DUSP12: variants seen among roughly 807,000 people sequenced by gnomAD.
DUSP12 encodes dual specificity phosphatase 12, also known as dual specificity protein phosphatase 12.
A neutral mutation model predicts 38.9 loss-of-function variants in DUSP12; 25 were observed. The ratio of observed to expected loss-of-function variants is 0.64; its 90% CI spans 0.47 to 0.90. DUSP12 has a LOEUF of 0.90. Among genes scored for constraint, DUSP12 ranks in the 40% least tolerant of loss-of-function variants. The pLI, the probability that DUSP12 is intolerant of heterozygous loss-of-function variation, is 0.00. For synonymous variants in DUSP12, 153 were observed against 153.9 expected, an observed-to-expected ratio of 0.99 and a Z score of 0.05; for missense variants, 403 against 427.0, an observed-to-expected ratio of 0.94 and a Z score of 0.50.
intron 3 of DUSP12, 130 bp from the exon 4 acceptor site, chr1:161,752,238 G>A: frequency 1.3e-6 from 1 of 770,964 alleles, no homozygotes; most frequent in South Asian, 1.9e-5. Context: ...TCTCAACACT[G>A]GAATTTGATT....
intron 5 of DUSP12, 30 bp from the exon 6 acceptor site, chr1:161,756,756 G>A: frequency 6.2e-7 from 1 of 1,607,262 alleles, no homozygotes. Context: ...AAAAGTGAAT[G>A]AATAAAGTAA....
At chr1:161,753,790 G>A (rs1448231988) in intron 5 of DUSP12, among the ~76,000 whole-genome samples, 1 of 152,004 alleles carries the variant, frequency 6.6e-6, no homozygotes, top group African/African-American at 2.4e-5. Context: ...GTAAATCAGG[G>A]ATTTTAAAAT....
intron 5 of DUSP12, chr1:161,753,525 A>G (rs1406400065): frequency 4.7e-6 from 1 of 211,318 alleles, no homozygotes; most frequent in African/African-American, 2.3e-5. Flanking sequence ...TATTTTTTTC[A>G]AATATAAGAC....
chr1:161,750,780 C>T lies in DUSP12; in HGVS notation c.344+635C>T, dbSNP rs555834085. ...GTGAAACCAAAAATACAAAAATTAG[C>T]CGGGCGTGGTGGCTCTCGCCTGTAG... is the stretch of plus-strand genomic sequence containing the variant. On this transcript the variant is annotated intron_variant, in intron 1 of 5. Coordinates refer to ENST00000367943, the MANE Select transcript of DUSP12 (RefSeq NM_007240.3). 5.3e-5 allele frequency among the ~76,000 whole-genome samples: 8 copies of T among 152,196 alleles called. No individual in the cohort carries two copies. In the South Asian group the frequency reaches 8.3e-4, roughly 16 times the overall value.
At chr1:161,754,498 T>G (rs893305587) in intron 5 of DUSP12, among the ~76,000 whole-genome samples, 6 of 152,140 alleles carry the variant, frequency 3.9e-5, no homozygotes, top group Non-Finnish European at 8.8e-5. Flanking sequence ...TGAGACTGGG[T>G]AATTTATAAA....
intron 5 of DUSP12, among the ~76,000 whole-genome samples, chr1:161,754,337 TA>T (rs986525201): frequency 6.6e-6 from 1 of 151,912 alleles, no homozygotes; most frequent in Non-Finnish European, 1.5e-5. Context: ...CTGCTTTTTT[TA>T]AAAAAAACAG....
At position 161,749,921 on chromosome 1, in the gene DUSP12, G is replaced by A; in HGVS notation, c.120G>A (p.Ala40=). 3 of 1,613,790 alleles carry A rather than the reference G, an allele frequency of 1.9e-6. No individual in the cohort carries two copies. The highest frequency in any genetic ancestry group is 2.5e-6 in the Non-Finnish European group (3 of 1,179,828). The change falls in exon 1 of 6, where the codon GCG becomes GCA. Residue 40 remains alanine, a synonymous_variant. Transcript: ENST00000367943. ...CAGGATTGTATTTCGGTGGGGCCGC[G>A]GCCGTCGCGGAGCCAGATCACCTGA... ...VQPGLYFGGA[A]AVAEPDHLRE... is the part of the protein sequence containing the mutation.
At position 161,756,846 on chromosome 1, in the gene DUSP12, T is replaced by C. The variant is rs755215937; in HGVS notation, c.922T>C (p.Ser308Pro). 13 of 1,613,960 alleles carry C rather than the reference T, an allele frequency of 8.1e-6. No individual in the cohort carries two copies. The South Asian group carries it at 1.4e-4, about 18-fold the overall frequency. Residue 308 changes from serine to proline, a missense_variant, in exon 6 of 6, where the codon TCT becomes CCT. Transcript: ENST00000367943. ...GSFNWYGEQC[S>P]CGRWITPAFQ... ...CTTCAACTGGTATGGTGAACAGTGC[T>C]CTTGTGGTAGGTGGATAACACCTGC...
Position 161,757,012 on chromosome 1 carries a change from T to C in DUSP12, c.*65T>C. 2 of 1,450,338 alleles carry C rather than the reference T, an allele frequency of 1.4e-6. No individual in the cohort carries two copies. The highest frequency in any genetic ancestry group is 1.9e-6 in the Non-Finnish European group (2 of 1,067,892). 89.8% of individuals were successfully genotyped at this position (1,450,338 alleles called of 1,614,324 possible). The stretch of plus-strand genomic sequence containing the variant: ...TATGTGCTGCCTTTGCTTCTTATCA[T>C]TCATGGCAGATTGTTTGTGCTTTCA... On this transcript the variant is annotated 3_prime_UTR_variant, in exon 6 of 6. Transcript: ENST00000367943.
rs1418845982 is a variant in DUSP12, at chr1:161,751,727, A to C, written c.404A>C (p.Gln135Pro). The C allele has an allele frequency of 4.3e-6, 7 of 1,613,764 alleles. No homozygotes were observed. Among genetic ancestry groups the C allele is most frequent in the Non-Finnish European group, 5.9e-6 (7 of 1,179,886 alleles). ...IITAFLMKTD[Q>P]LPFEKAYEKL... ...ACTGCTTTTCTCATGAAGACTGACC[A>C]ACTTCCCTTTGAAAAAGCCTATGAA... The change falls in exon 2 of 6, where the codon CAA becomes CCA. Residue 135 changes from glutamine (Q) to proline (P), a missense_variant. By Grantham distance (76) the Gln-to-Pro change is moderately conservative (BLOSUM62 -1). Transcript: ENST00000367943.
chr1:161,754,358 A>G (rs1383983353), intron 5 of DUSP12, among the ~76,000 whole-genome samples: 1 of 152,244 alleles, frequency 6.6e-6, no homozygotes, highest in African/African-American at 2.4e-5. Flanking sequence ...GCCTTATTAT[A>G]GTATAATTCA....
chr1:161,756,103 G>A (rs559097829), intron 5 of DUSP12, among the ~76,000 whole-genome samples: 3 of 152,182 alleles, frequency 2.0e-5, no homozygotes, highest in African/African-American at 7.2e-5. Context: ...TGATCTGCCC[G>A]CCTTGGCCTC....
chr1:161,751,379 T>TCTCTTTTTC, intron 1 of DUSP12: 2 of 231,256 alleles, frequency 8.6e-6, no homozygotes, highest in Non-Finnish European at 1.7e-5. Flanking sequence ...CAGGCGTAGG[T>TCTCTTTTTC]AAGCCACTGT....
At chr1:161,754,318 C>T (rs1421882734) in intron 5 of DUSP12, among the ~76,000 whole-genome samples, 11 of 151,996 alleles carry the variant, frequency 7.2e-5, no homozygotes, top group South Asian at 6.2e-4. Context: ...CTCACATTTT[C>T]GGATAATGCT....
intron 2 of DUSP12, 34 bp from the exon 3 acceptor site, chr1:161,751,832 G>T: frequency 6.2e-7 from 1 of 1,600,806 alleles, no homozygotes. Flanking sequence ...ATAATTTTAA[G>T]AAAATGAAAC....
Position 161,751,874 on chromosome 1 carries a change from A to G in DUSP12, c.467A>G (p.Glu156Gly), listed in dbSNP as rs893199996. Residue 156 changes from glutamate (E) to glycine (G), a missense_variant, in exon 3 of 6, where the codon GAG (glutamate) becomes GGG (glycine). Physicochemically the swap from Glu to Gly is moderately conservative, Grantham distance 98 (BLOSUM62 -2). Transcript: ENST00000367943. ...QILKPEAKMNEGFEWQLKLYQ... is the reference protein window; with the variant it reads ...QILKPEAKMNGGFEWQLKLYQ... ...TTTCTTTATCATTACAGGATGAATG[A>G]GGGGTTTGAGTGGCAACTGAAATTA... 7 of 1,612,000 alleles carry G rather than the reference A, an allele frequency of 4.3e-6. No homozygotes were observed. Among genetic ancestry groups the G allele is most frequent in the African/African-American group, 2.7e-5 (2 of 74,828 alleles).
rs375575122 is a variant in DUSP12, at chr1:161,751,880, T to C, written c.473T>C (p.Phe158Ser). Residue 158 changes from phenylalanine (F) to serine (S), a missense_variant, in exon 3 of 6, where the codon TTT (phenylalanine) becomes TCT (serine). Phe to Ser is a radical substitution (Grantham distance 155). Coordinates refer to ENST00000367943, the MANE Select transcript of DUSP12 (RefSeq NM_007240.3). ...LKPEAKMNEG[F>S]EWQLKLYQAM... ...TATCATTACAGGATGAATGAGGGGT[T>C]TGAGTGGCAACTGAAATTATACCAG... The C allele has an allele frequency of 8.9e-5, 144 of 1,612,732 alleles. No homozygotes were observed. The highest frequency in any genetic ancestry group is 1.2e-4 in the Non-Finnish European group (140 of 1,179,472).
Position 161,751,459 on chromosome 1 carries a change from A to T in DUSP12, c.345-209A>T, listed in dbSNP as rs954153188. 5 of 530,350 alleles carry T rather than the reference A, an allele frequency of 9.4e-6. No homozygotes were observed. In the African/African-American group the frequency reaches 9.8e-5, roughly 10 times the overall value. 32.9% of individuals were successfully genotyped at this position (530,350 alleles called of 1,614,324 possible). On this transcript the variant is annotated intron_variant, in intron 1 of 5. Coordinates refer to ENST00000367943, the MANE Select transcript of DUSP12 (RefSeq NM_007240.3). ...TTAAAAATTACTGTTATTATTTTTG[A>T]ATAGGTAATAGATTCACGTGGTTCA...
Position 161,749,888 on chromosome 1 carries a change from A to G in DUSP12, c.87A>G (p.Glu29=). Residue 29 remains glutamate, a synonymous_variant, in exon 1 of 6, where the codon GAA becomes GAG. Transcript: ENST00000367943. ...SRVSCAGQML[E]VQPGLYFGGA... Reference sequence around the variant, plus strand: ...TCAGCTGTGCCGGGCAGATGCTGGAAGTGCAGCCAGGATTGTATTTCGGTG... The same window carrying G: ...TCAGCTGTGCCGGGCAGATGCTGGAGGTGCAGCCAGGATTGTATTTCGGTG... The G allele has an allele frequency of 6.2e-7, 1 of 1,613,188 alleles. No individual in the cohort carries two copies. Among genetic ancestry groups the G allele is most frequent in the South Asian group, 1.1e-5 (1 of 90,998 alleles).
Sources: allele counts gnomAD v4.1 joint callset (sites outside exome capture counted in the v4.1 genomes callset), GRCh38; gene constraint gnomAD v4.1.1; transcripts MANE v1.5; gene names NCBI Gene and HGNC (gene_info 2026-07-23, HGNC 2026-07-21).